The following CLIC4 variants were observed in gnomAD, a reference collection of about 807,000 sequenced individuals.
The protein encoded by CLIC4 is chloride intracellular channel protein 4.
Under a neutral mutation model 24.6 loss-of-function variants are expected in CLIC4, and 13 were observed. The ratio of observed to expected loss-of-function variants is 0.53; its 90% CI spans 0.34 to 0.84. The LOEUF is 0.84. CLIC4 is among the 40% of genes least tolerant of loss of function. The pLI is 0.01. For missense variants in CLIC4, 227 were observed against 301.7 expected (o/e 0.75, Z 1.83); for synonymous variants, 104 against 111.3 (o/e 0.93, Z 0.41).
At chr1:24,764,700 A>G (rs1399013070) in intron 1 of CLIC4, among the ~76,000 whole-genome samples, 3 of 151,954 alleles carry the variant, frequency 2.0e-5, no homozygotes, top group Non-Finnish European at 4.4e-5. Flanking sequence ...CTGGCATTTC[A>G]CAGAAGGGCA....
intron 1 of CLIC4, among the ~76,000 whole-genome samples, chr1:24,788,057 T>C (rs2124120870): frequency 6.6e-6 from 1 of 151,998 alleles, no homozygotes; most frequent in South Asian, 2.1e-4. Context: ...TTTCACCATG[T>C]TGGTCAGGCT....
intron 1 of CLIC4, among the ~76,000 whole-genome samples, chr1:24,757,738 A>AT (rs1638869752): frequency 6.6e-6 from 1 of 152,060 alleles, no homozygotes. Flanking sequence ...ACTGAAATGA[A>AT]TTTTTTTCTT....
At chr1:24,777,509 A>G (rs1639155493) in intron 1 of CLIC4, among the ~76,000 whole-genome samples, 1 of 152,082 alleles carries the variant, frequency 6.6e-6, no homozygotes, top group African/African-American at 2.4e-5. Flanking sequence ...ACGCCGCTGC[A>G]CTCTAGCCTG....
intron 1 of CLIC4, among the ~76,000 whole-genome samples, chr1:24,761,844 G>A (rs986570773): frequency 6.6e-6 from 1 of 152,254 alleles, no homozygotes. Flanking sequence ...AGGATGTTAA[G>A]GAGGTATGTG....
chr1:24,754,738 C>T (rs1004153513), intron 1 of CLIC4, among the ~76,000 whole-genome samples: 3 of 151,982 alleles, frequency 2.0e-5, no homozygotes, highest in African/African-American at 7.3e-5. Context: ...CCTCTTATCT[C>T]TCAGTGGTCA....
At chr1:24,776,870 CCATTG>C (rs1176663230) in intron 1 of CLIC4, among the ~76,000 whole-genome samples, 5 of 152,094 alleles carry the variant, frequency 3.3e-5, no homozygotes, top group Admixed American at 3.3e-4. Context: ...AAAGATCATG[CCATTG>C]CACTCCAGCC....
At chr1:24,808,096 G>A (rs1462387370) in intron 2 of CLIC4, among the ~76,000 whole-genome samples, 11 of 152,218 alleles carry the variant, frequency 7.2e-5, no homozygotes, top group South Asian at 2.1e-4. Flanking sequence ...ACAGGCGTGC[G>A]CCACTATGCC....
intron 2 of CLIC4, among the ~76,000 whole-genome samples, chr1:24,802,130 A>G (rs1190885409): frequency 6.6e-6 from 1 of 152,228 alleles, no homozygotes; most frequent in Non-Finnish European, 1.5e-5. Flanking sequence ...CATTCTTTGA[A>G]AAAGCTGTCA....
At chr1:24,803,156 C>T (rs1639508863) in intron 2 of CLIC4, among the ~76,000 whole-genome samples, 1 of 152,178 alleles carries the variant, frequency 6.6e-6, no homozygotes, top group Admixed American at 6.5e-5. Flanking sequence ...AGGAATAAAA[C>T]ATCCCTGTAG....
At chr1:24,809,877 G>A (rs1011042680) in intron 2 of CLIC4, among the ~76,000 whole-genome samples, 6 of 152,208 alleles carry the variant, frequency 3.9e-5, no homozygotes, top group Non-Finnish European at 7.3e-5. Flanking sequence ...ATAGGAGGCA[G>A]AAACATTCTT....
chr1:24,756,466 C>G (rs1638851183), intron 1 of CLIC4, among the ~76,000 whole-genome samples: 1 of 152,186 alleles, frequency 6.6e-6, no homozygotes, highest in Non-Finnish European at 1.5e-5. Flanking sequence ...AGGAGTATGA[C>G]AGGTTTTCTT....
At chr1:24,778,278 T>A (rs901445185) in intron 1 of CLIC4, among the ~76,000 whole-genome samples, 10 of 152,196 alleles carry the variant, frequency 6.6e-5, no homozygotes, top group African/African-American at 2.4e-4. Flanking sequence ...TCTCTGAACC[T>A]CAGTTTCCTC....
intron 3 of CLIC4, among the ~76,000 whole-genome samples, chr1:24,815,399 G>A (rs1447440942): frequency 6.6e-6 from 1 of 152,202 alleles, no homozygotes; most frequent in Non-Finnish European, 1.5e-5. Context: ...CTACTCGGGA[G>A]GCTGAGGCAG....
chr1:24,813,995 A>T, intron 2 of CLIC4, 99 bp from the exon 3 acceptor site: 4 of 1,403,024 alleles, frequency 2.9e-6, no homozygotes, highest in Non-Finnish European at 4.0e-6. Flanking sequence ...ACGACTACAG[A>T]CGCAAGCCAC....
intron 2 of CLIC4, among the ~76,000 whole-genome samples, chr1:24,801,604 G>A (rs1639491217): frequency 6.6e-6 from 1 of 152,186 alleles, no homozygotes. Flanking sequence ...GATATTGACA[G>A]CCTATCACTT....
At chr1:24,792,602 A>G (rs1639353092) in intron 1 of CLIC4, among the ~76,000 whole-genome samples, 1 of 152,202 alleles carries the variant, frequency 6.6e-6, no homozygotes, top group Non-Finnish European at 1.5e-5. Flanking sequence ...CATGGTGACG[A>G]TGACTTTTCT....
At chr1:24,796,962 T>A (rs1639411747) in intron 1 of CLIC4, among the ~76,000 whole-genome samples, 1 of 148,944 alleles carries the variant, frequency 6.7e-6, no homozygotes. Context: ...ATTTATTTAT[T>A]TTTTTTTTTT....
intron 1 of CLIC4, among the ~76,000 whole-genome samples, chr1:24,790,502 T>G (rs1432991196): frequency 6.6e-6 from 1 of 152,266 alleles, no homozygotes; most frequent in Non-Finnish European, 1.5e-5. Flanking sequence ...AGTGAGTTTC[T>G]TAGTTTTTTG....
chr1:24,776,676 C>CA (rs1639144705), intron 1 of CLIC4, among the ~76,000 whole-genome samples: 1 of 152,180 alleles, frequency 6.6e-6, no homozygotes, highest in Non-Finnish European at 1.5e-5. Flanking sequence ...TGTCATGGCT[C>CA]ATGCCTGTAA....
Sources: allele counts gnomAD v4.1 joint callset (sites outside exome capture counted in the v4.1 genomes callset), GRCh38; gene constraint gnomAD v4.1.1; transcripts MANE v1.5; gene names NCBI Gene and HGNC (gene_info 2026-07-23, HGNC 2026-07-21).